GALNT8: variants seen among roughly 807,000 people sequenced by gnomAD.
GALNT8 encodes probable polypeptide N-acetylgalactosaminyltransferase 8.
A neutral mutation model predicts 62.7 loss-of-function variants in GALNT8; 66 were observed. That is an observed-to-expected ratio of 1.05 (90% CI 0.86 to 1.29). The LOEUF is 1.29. GALNT8 is among the 50% of genes most tolerant of loss of function. The probability of loss-of-function intolerance (pLI) is 0.00; values close to 1 mark genes in which losing one functional copy is unlikely to be tolerated. For synonymous variants in GALNT8, 288 were observed against 294.3 expected (o/e 0.98, Z 0.22); for missense variants, 771 against 791.8 (o/e 0.97, Z 0.32).
In GALNT8 at chr12:4,726,444, A is replaced by T; in HGVS notation, c.212-88A>T. ...TTTAAGATGTAGTGGGTAAACCGTTAGAGGAAATTAGGATGGAAAGGAATA... is the reference window on the plus strand; with the variant it reads ...TTTAAGATGTAGTGGGTAAACCGTTTGAGGAAATTAGGATGGAAAGGAATA... On this transcript the variant is annotated intron_variant, in intron 1 of 10. Transcript: ENST00000252318. This position sits in a 1 kb window ranked among gnomAD's most constrained non-coding sequence, Gnocchi z 4.1. 1.1e-6 allele frequency: 1 copy of T among 880,834 alleles called. No homozygotes were observed. The highest frequency in any genetic ancestry group is 1.8e-6 in the Non-Finnish European group (1 of 563,224). 54.6% of individuals were successfully genotyped at this position (880,834 alleles called of 1,614,324 possible).
rs1354141892 is a variant in GALNT8, at chr12:4,772,589, A to C, written c.1906A>C (p.Ser636Arg). 1.1e-5 allele frequency: 17 copies of C among 1,613,194 alleles called. No homozygotes were observed. The highest frequency in any genetic ancestry group is 1.4e-5 in the Non-Finnish European group (17 of 1,179,496). The change falls in exon 11 of 11, where the codon AGC becomes CGC. Residue 636 changes from serine (S) to arginine (R), a missense_variant. By Grantham distance (110) the Ser-to-Arg change is moderately radical. Transcript: ENST00000252318. ...HTVRDWGQTNSQ is the reference protein window; with the variant it reads ...HTVRDWGQTNRQ ...TGTCAGAGACTGGGGTCAGACCAAC[A>C]GCCAGTGATCCTCAGATGGTGCTGG...
rs374978591 is a variant in GALNT8, at chr12:4,728,299, C to A, written c.509+1470C>A. Among the ~76,000 whole-genome samples the A allele has an allele frequency of 7.3e-5, 11 of 150,908 alleles. No individual in the cohort carries two copies. The South Asian group carries it at 2.1e-3, about 29-fold the overall frequency. On this transcript the variant is annotated intron_variant, in intron 2 of 10. Transcript: ENST00000252318. ...CAGAAATATCACTTGTTAATGATTT[C>A]TTTCATTGTGTAGATTGTCTGTTCA...
intron 8 of GALNT8, among the ~76,000 whole-genome samples, chr12:4,763,650 A>G (rs1217120908): frequency 1.2e-5 from 1 of 81,090 alleles, no homozygotes; most frequent in African/African-American, 4.9e-5. Flanking sequence ...CCGTTTCTCC[A>G]GCAGCTGCAG....
rs1189911184 is a variant in GALNT8 at position 4,726,636 on chromosome 12, G to A, written c.316G>A (p.Val106Met). The A allele has an allele frequency of 1.2e-6, 2 of 1,613,906 alleles. No individual in the cohort carries two copies. The highest frequency in any genetic ancestry group is 3.3e-5 in the Admixed American group (2 of 59,996). ...TCTTCTAAAGGCAATGGAAACCAAG[G>A]TGAATGAGACAAAGAAGCACAAAAC... ...RPLLKAMETK[V>M]NETKKHKTQM... is the part of the protein sequence containing the mutation. Residue 106 changes from valine (V) to methionine (M), a missense_variant, in exon 2 of 11, where the codon GTG becomes ATG. Coordinates refer to ENST00000252318, the MANE Select transcript of GALNT8 (RefSeq NM_017417.2). This position sits in a 1 kb window ranked among gnomAD's most constrained non-coding sequence, Gnocchi z 4.1.
intron 2 of GALNT8, among the ~76,000 whole-genome samples, chr12:4,731,891 C>A (rs1333915929): frequency 3.3e-5 from 5 of 152,084 alleles, no homozygotes; most frequent in African/African-American, 1.2e-4. Flanking sequence ...TGAACAGGAC[C>A]ACCTGCACAA....
At chr12:4,742,731 G>A (rs954827157) in intron 3 of GALNT8, among the ~76,000 whole-genome samples, 3 of 152,042 alleles carry the variant, frequency 2.0e-5, no homozygotes, top group Admixed American at 6.5e-5. Context: ...AAACTGGGTC[G>A]GGGTGGAGAG....
intron 2 of GALNT8, among the ~76,000 whole-genome samples, chr12:4,729,177 TATC>T (rs747633666): frequency 5.3e-5 from 8 of 152,210 alleles, no homozygotes; most frequent in Non-Finnish European, 1.2e-4. Flanking sequence ...TTGTATATCT[TATC>T]ATGTACAATA....
chr12:4,739,313 TG>T lies in GALNT8; in HGVS notation c.661del (p.Asp221IlefsTer8). 1 of 1,613,454 alleles carries T rather than the reference TG, an allele frequency of 6.2e-7. No homozygotes were observed. Among genetic ancestry groups the T allele is most frequent in the Non-Finnish European group, 8.5e-7 (1 of 1,179,664 alleles). ...RLLKEIILVD[D>X]FSSNGELKVH... ...TGTTGAAGGAAATCATCTTGGTGGA[TG>T]ATTTCAGCTCAAATGGTGAGCAACG... On this transcript the variant is annotated frameshift_variant, in exon 3 of 11. Transcript: ENST00000252318. LOFTEE classifies it high-confidence loss of function.
At position 4,772,407 on chromosome 12, in the gene GALNT8, C is replaced by T. The variant is rs1946428778; in HGVS notation, c.1762-38C>T. The T allele has an allele frequency of 3.1e-6, 5 of 1,589,066 alleles. No individual in the cohort carries two copies. The South Asian group carries it at 4.5e-5, about 14-fold the overall frequency. ...TAGAAGAGATGATGAATTACTGAGG[C>T]ATTTCAGCACCTTGGCTCTGTCTCT... On this transcript the variant is annotated intron_variant, in intron 10 of 10. Transcript: ENST00000252318.
chr12:4,729,976 A>T (rs1311665200), intron 2 of GALNT8, among the ~76,000 whole-genome samples: 1 of 152,176 alleles, frequency 6.6e-6, no homozygotes, highest in Non-Finnish European at 1.5e-5. Context: ...CCTGATGGTT[A>T]ATATATGGAA....
Position 4,744,709 on chromosome 12 carries a change from C to T in GALNT8, c.860+9C>T, listed in dbSNP as rs753885087. ...GAAGTCAATGTTGGGTGGTAAGGCT[C>T]AAAGAGGCTAGTTCTTCTGGAAAGG... On this transcript the variant is annotated intron_variant, in intron 4 of 10. Coordinates refer to ENST00000252318, the MANE Select transcript of GALNT8 (RefSeq NM_017417.2). 4.0e-5 allele frequency: 64 copies of T among 1,593,074 alleles called. No homozygotes were observed. In the South Asian group the frequency reaches 6.8e-4, roughly 17 times the overall value.
intron 4 of GALNT8, among the ~76,000 whole-genome samples, chr12:4,745,031 A>T (rs999625020): frequency 3.3e-5 from 5 of 152,222 alleles, no homozygotes; most frequent in Non-Finnish European, 7.3e-5. Flanking sequence ...TTCCCCAGCC[A>T]TGAAATTACA....
In GALNT8 at chr12:4,726,408, A is replaced by T. The variant is rs1188454699; in HGVS notation, c.212-124A>T. The T allele has an allele frequency of 4.5e-6, 3 of 672,610 alleles. No homozygotes were observed. The highest frequency in any genetic ancestry group is 7.5e-6 in the Non-Finnish European group (3 of 397,824). 41.7% of individuals were successfully genotyped at this position (672,610 alleles called of 1,614,324 possible). ...GACATACTACATCCTCTGTGACAAG[A>T]GCTTATAAGTTTTAAGATGTAGTGG... is the stretch of plus-strand genomic sequence containing the variant. On this transcript the variant is annotated intron_variant, in intron 1 of 10. Coordinates refer to ENST00000252318, the MANE Select transcript of GALNT8 (RefSeq NM_017417.2). This position sits in a 1 kb window ranked among gnomAD's most constrained non-coding sequence, Gnocchi z 4.1.
At chr12:4,748,883 A>G (rs566467246) in intron 6 of GALNT8, among the ~76,000 whole-genome samples, 35 of 152,098 alleles carry the variant, frequency 2.3e-4, no homozygotes, top group African/African-American at 7.7e-4. Flanking sequence ...TGTCCTCTTC[A>G]ATGTTTTTCA....
chr12:4,725,975 G>A (rs1340596185), intron 1 of GALNT8, among the ~76,000 whole-genome samples: 1 of 152,210 alleles, frequency 6.6e-6, no homozygotes, highest in Admixed American at 6.5e-5. Context: ...GATGATGGTG[G>A]TAGTGGTTAG....
At position 4,739,280 on chromosome 12, in the gene GALNT8, C is replaced by G; in HGVS notation, c.627C>G (p.Pro209=). 1 of 1,613,864 alleles carries G rather than the reference C, an allele frequency of 6.2e-7. No homozygotes were observed. Among genetic ancestry groups the G allele is most frequent in the Non-Finnish European group, 8.5e-7 (1 of 1,179,834 alleles). Reference sequence around the variant, plus strand: ...TCACCAGTATCATCAACCGGACGCCCTCTCGATTGTTGAAGGAAATCATCT... The same window carrying G: ...TCACCAGTATCATCAACCGGACGCCGTCTCGATTGTTGAAGGAAATCATCT... ...RAITSIINRT[P]SRLLKEIILV... is the part of the protein sequence containing the mutation. Residue 209 remains proline, a synonymous_variant, in exon 3 of 11, where the codon CCC becomes CCG. Coordinates refer to ENST00000252318, the MANE Select transcript of GALNT8 (RefSeq NM_017417.2).
intron 1 of GALNT8, among the ~76,000 whole-genome samples, chr12:4,724,521 G>T (rs115777047): frequency 6.6e-6 from 1 of 152,178 alleles, no homozygotes; most frequent in Non-Finnish European, 1.5e-5. Flanking sequence ...AAGGAAGAAC[G>T]CAGAGGAGCT....
At chr12:4,735,669 T>G (rs531964848) in intron 2 of GALNT8, among the ~76,000 whole-genome samples, 1 of 152,272 alleles carries the variant, frequency 6.6e-6, no homozygotes, top group East Asian at 1.9e-4. Context: ...TTGCCCCTTC[T>G]CCAACTTGCT....
At chr12:4,756,320 A>C (rs1215915225) in intron 6 of GALNT8, among the ~76,000 whole-genome samples, 1 of 152,172 alleles carries the variant, frequency 6.6e-6, no homozygotes, top group African/African-American at 2.4e-5. Flanking sequence ...GGTGTTGGAG[A>C]CAGACAGACT....
Sources: allele counts gnomAD v4.1 joint callset (sites outside exome capture counted in the v4.1 genomes callset), GRCh38; gene constraint gnomAD v4.1.1; non-coding constraint Gnocchi (gnomAD v3.1); transcripts MANE v1.5; gene names NCBI Gene and HGNC (gene_info 2026-07-23, HGNC 2026-07-21).